The following GATAD1 variants were observed in gnomAD, a reference collection of about 807,000 sequenced individuals.
GATAD1 encodes the protein GATA zinc finger domain-containing protein 1.
GATAD1 carries 12 observed loss-of-function variants against 26.5 expected under a neutral mutation model. The observed-to-expected ratio is 0.45, with a 90% CI of 0.29 to 0.73. GATAD1 has a LOEUF of 0.73. Among genes scored for constraint, GATAD1 ranks in the 30% least tolerant of loss-of-function variants. The pLI, the probability that GATAD1 is intolerant of heterozygous loss-of-function variation, is 0.10. For missense variants in GATAD1, 266 were observed against 342.1 expected, an observed-to-expected ratio of 0.78 and a Z score of 1.75; for synonymous variants, 129 against 133.1, an observed-to-expected ratio of 0.97 and a Z score of 0.21.
chr7:92,486,954 C>G, the GATAD1 span: 6,150 of 152,318 alleles, frequency 0.04, 153 homozygotes, highest in African/African-American at 0.053. Context: ...TCTGGTTGAG[C>G]GGATAATTAA....
chr7:92,448,916 G>T (rs1426393585), intron 2 of GATAD1, 39 bp downstream of exon 2: 1 of 1,586,738 alleles, frequency 6.3e-7, no homozygotes, highest in Non-Finnish European at 8.7e-7. Flanking sequence ...CTGTAATGAC[G>T]TTGTGTGTAT....
At chr7:92,471,860 A>T in the GATAD1 span, 1 of 152,178 alleles carries the variant, frequency 6.6e-6, no homozygotes, top group Non-Finnish European at 1.5e-5. Context: ...CTAGGTAAGC[A>T]TATTTAGAGT....
chr7:92,491,337 T>C, the GATAD1 span: 1 of 1,614,036 alleles, frequency 6.2e-7, no homozygotes, highest in Non-Finnish European at 8.5e-7. Flanking sequence ...AGCCGGTACA[T>C]ATTGAATTTT....
At chr7:92,473,013 A>G in the GATAD1 span, 2 of 152,214 alleles carry the variant, frequency 1.3e-5, no homozygotes, top group African/African-American at 2.4e-5. Context: ...CTGGCCAAAT[A>G]GATGGGGACT....
the GATAD1 span, among the ~76,000 whole-genome samples, chr7:92,480,797 G>A: frequency 1.3e-3 from 192 of 152,080 alleles, no homozygotes; most frequent in African/African-American, 4.3e-3. Flanking sequence ...GGGATCTGAC[G>A]CCTTTTGGTG....
chr7:92,477,525 G>T, the GATAD1 span: 1 of 152,848 alleles, frequency 6.5e-6, no homozygotes, highest in Non-Finnish European at 1.5e-5. Flanking sequence ...CTGACCTGGA[G>T]TTCTTGGCCT....
intron 2 of GATAD1, chr7:92,449,138 A>G (rs1789307115): frequency 1.7e-6 from 2 of 1,153,780 alleles, no homozygotes; most frequent in East Asian, 4.3e-5. Flanking sequence ...TTTAAAAGAA[A>G]CATCAACCTT....
the GATAD1 span, chr7:92,487,569 T>C: frequency 1.9e-6 from 2 of 1,058,024 alleles, no homozygotes; most frequent in Non-Finnish European, 2.9e-6. Context: ...TAATTTAATA[T>C]GTATAAATAC....
At chr7:92,476,247 C>T in the GATAD1 span, among the ~76,000 whole-genome samples, 2 of 152,138 alleles carry the variant, frequency 1.3e-5, no homozygotes, top group African/African-American at 4.8e-5. Flanking sequence ...TACCTTTTTG[C>T]TTTTTTTATT....
rs199766577 is a variant in GATAD1, at chr7:92,456,448, A to G, written c.696A>G (p.Ser232=). ...VCHAPSEYFK[S]RSSPFPTVPT... Reference sequence around the variant, plus strand: ...ATGCACCTTCTGAGTATTTCAAGTCACGGTCATCACCATTTCCCACAGTTC... The same window carrying G: ...ATGCACCTTCTGAGTATTTCAAGTCGCGGTCATCACCATTTCCCACAGTTC... The change falls in exon 5 of 5, where the codon TCA becomes TCG. Residue 232 remains serine (S), a synonymous_variant. Transcript: ENST00000287957. 51 of 1,612,334 alleles carry G rather than the reference A, an allele frequency of 3.2e-5. No homozygotes were observed. The East Asian group carries it at 1.1e-3, about 35-fold the overall frequency.
Position 92,456,607 on chromosome 7 carries a change from C to G in GATAD1, c.*45C>G, listed in dbSNP as rs765227703. 8.1e-7 allele frequency: 1 copy of G among 1,239,964 alleles called. No individual in the cohort carries two copies. The highest frequency in any genetic ancestry group is 1.9e-4 in the Middle Eastern group (1 of 5,202). The allele number at this position is 1,239,964 out of a possible 1,614,324, so 76.8% of individuals were successfully genotyped here. On this transcript the variant is annotated 3_prime_UTR_variant, in exon 5 of 5. Coordinates refer to ENST00000287957, the MANE Select transcript of GATAD1 (RefSeq NM_021167.5). ...TTTCCAGGCCTGGTGTGGTGGCTCA[C>G]GCCTGTAGCCCCAGCTATTGCACCA... is the stretch of plus-strand genomic sequence containing the variant.
the GATAD1 span, chr7:92,491,626 C>T: frequency 4.6e-6 from 3 of 658,482 alleles, no homozygotes; most frequent in Non-Finnish European, 8.0e-6. Flanking sequence ...TTTCAAAGAG[C>T]TCATTAATTC....
rs1789227822 is a variant in GATAD1 at position 92,447,927 on chromosome 7, C to T, written c.198C>T (p.Ala66=). Residue 66 remains alanine (A), a synonymous_variant, in exon 1 of 5, where the codon GCC becomes GCT. Coordinates refer to ENST00000287957, the MANE Select transcript of GATAD1 (RefSeq NM_021167.5). ...GCGGCTTCGGCGCGGCGACCTTCGC[C>T]AGCACCTCCGCCACCCCTCCGCAGA... ...GGGGFGAATF[A]STSATPPQSN... 1.6e-6 allele frequency: 2 copies of T among 1,246,368 alleles called. No homozygotes were observed. Among genetic ancestry groups the T allele is most frequent in the Middle Eastern group, 2.8e-4 (1 of 3,602 alleles). 77.2% of individuals were successfully genotyped at this position (1,246,368 alleles called of 1,614,324 possible). A position where few individuals can be genotyped will look rare whatever the true frequency, so the allele number is the denominator to read the frequency against.
Position 92,458,755 on chromosome 7 carries a change from G to A in GATAD1, c.*2193G>A, listed in dbSNP as rs565335378. The stretch of plus-strand genomic sequence containing the variant: ...CATAATTATCTCTTTATTCACAAAG[G>A]GTATAGTAAAATTGATTGTAAATAA... On this transcript the variant is annotated 3_prime_UTR_variant, in exon 5 of 5. Transcript: ENST00000287957. 5 of 152,128 alleles carry A rather than the reference G, an allele frequency of 3.3e-5. No homozygotes were observed. In the South Asian group the frequency reaches 1.0e-3, roughly 31 times the overall value. The allele number at this position is 152,128 out of a possible 1,614,324, so 9.4% of individuals were successfully genotyped here. A position where few individuals can be genotyped will look rare whatever the true frequency, so the allele number is the denominator to read the frequency against.
the GATAD1 span, chr7:92,470,578 ATGAC>A: frequency 1.9e-6 from 1 of 516,520 alleles, no homozygotes; most frequent in African/African-American, 1.9e-5. Context: ...GGTAGATAAA[ATGAC>A]TGGGTAGGGT....
rs535465324 is a variant in GATAD1 at position 92,449,410 on chromosome 7, G to C, written c.375+533G>C. 2.9e-4 allele frequency: 282 copies of C among 983,586 alleles called. 1 individual carries two copies. In the African/African-American group the frequency reaches 4.6e-3, roughly 16 times the overall value. The allele number at this position is 983,586 out of a possible 1,614,324, so 60.9% of individuals were successfully genotyped here. On this transcript the variant is annotated intron_variant, in intron 2 of 4. Coordinates refer to ENST00000287957, the MANE Select transcript of GATAD1 (RefSeq NM_021167.5). The stretch of plus-strand genomic sequence containing the variant: ...TCTCCTCTTCTGCTCTAAGAAAAGA[G>C]ATTGTTGAAAGACCTGTGCTGGAAG...
In GATAD1 at chr7:92,458,113, G is replaced by A. The variant is rs1789761345; in HGVS notation, c.*1551G>A. On this transcript the variant is annotated 3_prime_UTR_variant, in exon 5 of 5. Coordinates refer to ENST00000287957, the MANE Select transcript of GATAD1 (RefSeq NM_021167.5). ...GATCGTGCCACTGCACTCCAGCCTG[G>A]GTGATAGAGCAAGACTGTCTCAAAA... is the stretch of plus-strand genomic sequence containing the variant. 6.6e-6 allele frequency: 1 copy of A among 152,106 alleles called. No homozygotes were observed. Among genetic ancestry groups the A allele is most frequent in the African/African-American group, 2.4e-5 (1 of 41,390 alleles). 9.4% of individuals were successfully genotyped at this position (152,106 alleles called of 1,614,324 possible).
At chr7:92,473,977 A>C in the GATAD1 span, among the ~76,000 whole-genome samples, 2 of 152,214 alleles carry the variant, frequency 1.3e-5, no homozygotes, top group East Asian at 3.9e-4. Context: ...CCTTGAAATA[A>C]GGGGCATGGA....
At chr7:92,466,529 A>T in the GATAD1 span, among the ~76,000 whole-genome samples, 1 of 152,220 alleles carries the variant, frequency 6.6e-6, no homozygotes, top group African/African-American at 2.4e-5. Flanking sequence ...ATCTTCTCTC[A>T]ACCCAGAAAT....
Sources: allele counts gnomAD v4.1 joint callset (sites outside exome capture counted in the v4.1 genomes callset), GRCh38; gene constraint gnomAD v4.1.1; transcripts MANE v1.5; gene names NCBI Gene and HGNC (gene_info 2026-07-23, HGNC 2026-07-21).